BBX: variants seen among roughly 807,000 people sequenced by gnomAD.
BBX encodes the protein HMG box transcription factor BBX.
Under a neutral mutation model 100.2 loss-of-function variants are expected in BBX, and 30 were observed. The ratio of observed to expected loss-of-function variants is 0.30; its 90% CI spans 0.22 to 0.41. The LOEUF (loss-of-function observed/expected upper bound fraction) is 0.41, where lower values mean the gene tolerates loss of function less well. BBX is among the 10% of genes least tolerant of loss of function. The pLI, the probability that BBX is intolerant of heterozygous loss-of-function variation, is 1.00. For missense variants in BBX, 1,023 were observed against 1,129.8 expected (o/e 0.91, Z 1.35); for synonymous variants, 376 against 388.1 (o/e 0.97, Z 0.37).
intron 3 of BBX, among the ~76,000 whole-genome samples, chr3:107,677,112 A>T (rs768453728): frequency 6.6e-6 from 1 of 152,018 alleles, no homozygotes; most frequent in African/African-American, 2.4e-5. Flanking sequence ...CGTTTCTAGA[A>T]CATTCCTGAT....
chr3:107,706,145 C>T (rs538961167), intron 3 of BBX, among the ~76,000 whole-genome samples: 7 of 151,512 alleles, frequency 4.6e-5, no homozygotes, highest in South Asian at 2.1e-4. Flanking sequence ...GCCCCAGCCT[C>T]GCGAGTAGCT....
At chr3:107,646,825 T>C (rs991848943) in intron 3 of BBX, among the ~76,000 whole-genome samples, 7 of 152,172 alleles carry the variant, frequency 4.6e-5, no homozygotes, top group Non-Finnish European at 7.4e-5. Context: ...GCTTATTACA[T>C]CTGTCTAGAT....
rs563916177 is a variant in BBX, at chr3:107,780,937, T to C, written c.2203+2418T>C. On this transcript the variant is annotated intron_variant, in intron 13 of 17. Coordinates refer to ENST00000325805, the MANE Select transcript of BBX (RefSeq NM_001142568.3). ...ATTAGTTCATTAATAAAAGAGTATA[T>C]GTCCATCAGAAACCTAATTTTTCCT... Among the ~76,000 whole-genome samples the C allele has an allele frequency of 6.6e-5, 10 of 152,142 alleles. No individual in the cohort carries two copies. In the East Asian group the frequency reaches 1.5e-3, roughly 23 times the overall value.
chr3:107,609,556 G>A (rs2054686795), intron 2 of BBX, among the ~76,000 whole-genome samples: 1 of 152,004 alleles, frequency 6.6e-6, no homozygotes, highest in Admixed American at 6.6e-5. Flanking sequence ...CTCATTACTT[G>A]TTATTGGTCT....
intron 3 of BBX, among the ~76,000 whole-genome samples, chr3:107,684,153 T>A (rs745981640): frequency 8.5e-5 from 13 of 152,192 alleles, no homozygotes; most frequent in Admixed American, 4.6e-4. Context: ...GGTAAGAAAC[T>A]ATTTTTTAAC....
At chr3:107,663,084 CTG>C (rs1350417269) in intron 3 of BBX, among the ~76,000 whole-genome samples, 2 of 152,088 alleles carry the variant, frequency 1.3e-5, no homozygotes, top group African/African-American at 4.8e-5. Context: ...CATTAGAAAA[CTG>C]TGTTTCACAG....
chr3:107,542,763 C>G (rs1240622659), intron 2 of BBX, among the ~76,000 whole-genome samples: 1 of 152,162 alleles, frequency 6.6e-6, no homozygotes, highest in Admixed American at 6.6e-5. Context: ...CATCCCAGTT[C>G]ATTCTGTCTA....
chr3:107,744,252 T>C (rs1375350324), intron 7 of BBX, among the ~76,000 whole-genome samples: 1 of 152,156 alleles, frequency 6.6e-6, no homozygotes, highest in African/African-American at 2.4e-5. Flanking sequence ...TTACATCTTG[T>C]GGTGATCAGT....
chr3:107,792,208 C>G (rs978980691), intron 15 of BBX, among the ~76,000 whole-genome samples: 1 of 152,158 alleles, frequency 6.6e-6, no homozygotes, highest in South Asian at 2.1e-4. Flanking sequence ...TGTTGATTCT[C>G]TTTTTTTCAT....
intron 10 of BBX, among the ~76,000 whole-genome samples, chr3:107,765,818 G>A (rs1424289911): frequency 6.6e-6 from 1 of 152,174 alleles, no homozygotes; most frequent in Non-Finnish European, 1.5e-5. Context: ...ACATCCAAGA[G>A]TGATGCGTCT....
At chr3:107,675,060 A>G (rs755517974) in intron 3 of BBX, among the ~76,000 whole-genome samples, 2 of 152,164 alleles carry the variant, frequency 1.3e-5, no homozygotes, top group Non-Finnish European at 2.9e-5. Flanking sequence ...TATGAATTGT[A>G]AGAAATAAGT....
intron 2 of BBX, among the ~76,000 whole-genome samples, chr3:107,617,490 G>C (rs2055383513): frequency 6.6e-6 from 1 of 152,018 alleles, no homozygotes; most frequent in Non-Finnish European, 1.5e-5. Context: ...GCTATGTTTA[G>C]TTTTCTAATT....
intron 2 of BBX, chr3:107,599,271 C>G (rs1559858015): frequency 6.6e-6 from 1 of 152,478 alleles, no homozygotes. Context: ...CTCTCTCCCC[C>G]AGCTGAGTTC....
rs1440665820 is a variant in BBX, at chr3:107,803,963, T to TG, written c.2739-1407_2739-1406insG. Among the ~76,000 whole-genome samples, 4 of 151,774 alleles carry TG rather than the reference T, an allele frequency of 2.6e-5. No homozygotes were observed. The East Asian group carries it at 7.7e-4, about 29-fold the overall frequency. ...CTTTTCATCTTTTTTGTTTTTTTTTTTCCTTTTCTAATACTTATTAAAATT... is the reference window on the plus strand; with the variant it reads ...CTTTTCATCTTTTTTGTTTTTTTTTTGTCCTTTTCTAATACTTATTAAAATT... On this transcript the variant is annotated intron_variant, in intron 17 of 17. Transcript: ENST00000325805.
chr3:107,740,650 T>G (rs1346209630), intron 7 of BBX, among the ~76,000 whole-genome samples: 1 of 152,094 alleles, frequency 6.6e-6, no homozygotes, highest in South Asian at 2.1e-4. Context: ...ATGCATCTTA[T>G]TCTTCAGCCA....
At chr3:107,536,934 A>C (rs1455468316) in intron 2 of BBX, among the ~76,000 whole-genome samples, 1 of 152,204 alleles carries the variant, frequency 6.6e-6, no homozygotes, top group Non-Finnish European at 1.5e-5. Context: ...TAAATATCTG[A>C]AAAACTGGCC....
At chr3:107,720,731 G>A (rs902663320) in intron 5 of BBX, among the ~76,000 whole-genome samples, 12 of 151,964 alleles carry the variant, frequency 7.9e-5, no homozygotes, top group African/African-American at 2.9e-4. Context: ...AATACTCTGG[G>A]AAAGGTTTTC....
At chr3:107,529,730 A>T (rs1340007301) in intron 2 of BBX, among the ~76,000 whole-genome samples, 5 of 152,232 alleles carry the variant, frequency 3.3e-5, no homozygotes, top group Admixed American at 3.3e-4. Context: ...TATCCTTTAG[A>T]AGGCAGTTAT....
At chr3:107,763,015 A>G (rs907407531) in intron 10 of BBX, among the ~76,000 whole-genome samples, 3 of 152,238 alleles carry the variant, frequency 2.0e-5, no homozygotes, top group Non-Finnish European at 4.4e-5. Context: ...TTACCTTCAG[A>G]CTATTTATAT....
Sources: allele counts gnomAD v4.1 joint callset (sites outside exome capture counted in the v4.1 genomes callset), GRCh38; gene constraint gnomAD v4.1.1; transcripts MANE v1.5; gene names NCBI Gene and HGNC (gene_info 2026-07-23, HGNC 2026-07-21).